Variants in TEX11 observed in about 807,000 individuals in gnomAD.
TEX11 encodes the protein testis-expressed protein 11.
Under a neutral mutation model 84.4 loss-of-function variants are expected in TEX11, and 7 were observed. The observed-to-expected ratio is 0.08, with a 90% CI of 0.05 to 0.16. The LOEUF is 0.16. Among genes scored for constraint, TEX11 ranks in the 10% least tolerant of loss-of-function variants. TEX11 has a pLI of 1.00. For synonymous variants in TEX11, 264 were observed against 222.8 expected, an observed-to-expected ratio of 1.18 and a Z score of -1.64; for missense variants, 551 against 660.5, an observed-to-expected ratio of 0.83 and a Z score of 1.82.
At chrX:70,819,258 A>G (rs1335063199) in intron 8 of TEX11, among the ~76,000 whole-genome samples, 1 of 111,939 alleles carries the variant, frequency 8.9e-6, no homozygotes, top group Non-Finnish European at 1.9e-5. Flanking sequence ...AGTGAGATTT[A>G]TCCCTGGAAT....
intron 13 of TEX11, among the ~76,000 whole-genome samples, chrX:70,708,928 T>TA (rs199631813): frequency 0.056 from 5,233 of 93,511 alleles, 347 homozygotes; most frequent in African/African-American, 0.18. Flanking sequence ...TTGAAATAAT[T>TA]AAAAAAAAAA....
intron 13 of TEX11, among the ~76,000 whole-genome samples, chrX:70,722,304 C>A (rs2090565555): frequency 8.9e-6 from 1 of 112,059 alleles, no homozygotes; most frequent in South Asian, 3.7e-4. Context: ...GAGAGTCCTG[C>A]TCTGTTGCCC....
At chrX:70,875,719 C>T (rs2091652624) in intron 3 of TEX11, among the ~76,000 whole-genome samples, 1 of 110,821 alleles carries the variant, frequency 9.0e-6, no homozygotes, top group Admixed American at 9.6e-5. Flanking sequence ...CACTGCACTC[C>T]AGCCTGGGCG....
At chrX:70,891,894 T>C (rs1263984462) in intron 2 of TEX11, among the ~76,000 whole-genome samples, 4 of 111,179 alleles carry the variant, frequency 3.6e-5, no homozygotes, top group Non-Finnish European at 7.5e-5. Context: ...ACTACTAAGA[T>C]AGTCCTTGAG....
chrX:70,816,993 A>G (rs1201591671), intron 8 of TEX11, among the ~76,000 whole-genome samples: 1 of 110,668 alleles, frequency 9.0e-6, no homozygotes, highest in Admixed American at 9.7e-5. Flanking sequence ...ATTAAGGATA[A>G]TTGAAGCCAA....
the TEX11 span, among the ~76,000 whole-genome samples, chrX:70,521,669 T>G: frequency 8.9e-6 from 1 of 111,861 alleles, no homozygotes. Context: ...TACCGAATTC[T>G]GACCAATTAA....
chrX:70,736,712 T>A (rs1050223976), intron 11 of TEX11, among the ~76,000 whole-genome samples: 3 of 111,680 alleles, frequency 2.7e-5, no homozygotes, highest in African/African-American at 9.7e-5. Context: ...CTCTTTTACA[T>A]CTGGCTGATG....
intron 13 of TEX11, among the ~76,000 whole-genome samples, chrX:70,713,140 C>T (rs753802038): frequency 1.4e-4 from 16 of 111,721 alleles, no homozygotes; most frequent in South Asian, 7.6e-4. Flanking sequence ...AGGGATGAAG[C>T]CCACTTGATC....
chrX:70,652,063 C>T (rs1041547211), intron 16 of TEX11, among the ~76,000 whole-genome samples: 1 of 111,205 alleles, frequency 9.0e-6, no homozygotes, highest in Non-Finnish European at 1.9e-5. Context: ...CCCACTCCTA[C>T]CCACATCCCT....
At chrX:70,874,009 C>T (rs2091642825) in intron 3 of TEX11, among the ~76,000 whole-genome samples, 1 of 111,265 alleles carries the variant, frequency 9.0e-6, no homozygotes, top group Admixed American at 9.6e-5. Flanking sequence ...TTGGTGCTGT[C>T]CTCACAGTAA....
chrX:70,587,592 G>A (rs866532632), intron 25 of TEX11, among the ~76,000 whole-genome samples: 5 of 112,528 alleles, frequency 4.4e-5, no homozygotes, highest in African/African-American at 6.5e-5. Context: ...ATGGGTGTCC[G>A]TGGAGAAGTT....
At chrX:70,750,945 T>A (rs1454821770) in intron 9 of TEX11, among the ~76,000 whole-genome samples, 16 of 65,642 alleles carry the variant, frequency 2.4e-4, no homozygotes, top group African/African-American at 1.1e-3. Context: ...TATATATATA[T>A]ATATATATAT....
intron 18 of TEX11, 72 bp downstream of exon 18, chrX:70,629,539 T>C (rs1480024823): frequency 6.3e-6 from 7 of 1,107,085 alleles, no homozygotes; most frequent in African/African-American, 1.8e-5. Context: ...GTCTAACTGA[T>C]AATGATTCTA....
intron 25 of TEX11, among the ~76,000 whole-genome samples, chrX:70,557,326 C>T (rs1475308684): frequency 8.5e-5 from 9 of 105,976 alleles, no homozygotes; most frequent in African/African-American, 3.1e-4. Context: ...AAAAATTAGC[C>T]GGGTGTGGGG....
chrX:70,630,779 T>C (rs909284995), intron 17 of TEX11, among the ~76,000 whole-genome samples: 1 of 111,616 alleles, frequency 9.0e-6, no homozygotes, highest in Non-Finnish European at 1.9e-5. Context: ...CTACAAGAAA[T>C]ACACTTTAAA....
chrX:70,740,364 T>C (rs2090725277), intron 11 of TEX11, among the ~76,000 whole-genome samples: 1 of 111,059 alleles, frequency 9.0e-6, no homozygotes, highest in Non-Finnish European at 1.9e-5. Context: ...TGTGGACCTC[T>C]TTTATAAGGG....
At chrX:70,784,020 CA>C (rs901953794) in intron 9 of TEX11, among the ~76,000 whole-genome samples, 32 of 108,889 alleles carry the variant, frequency 2.9e-4, no homozygotes, top group African/African-American at 9.7e-4. Flanking sequence ...AGAGACACAA[CA>C]AAAAAAAAGA....
chrX:70,885,797 A>C (rs1024047095), intron 2 of TEX11, among the ~76,000 whole-genome samples: 1 of 107,081 alleles, frequency 9.3e-6, no homozygotes, highest in Non-Finnish European at 1.9e-5. Context: ...AGGCTGAAGC[A>C]GGAGAATTGC....
intron 13 of TEX11, 77 bp from the exon 14 acceptor site, chrX:70,682,902 A>C (rs2090158589): frequency 1.0e-6 from 1 of 989,921 alleles, no homozygotes; most frequent in African/African-American, 1.9e-5. Context: ...AATGTATTTC[A>C]GTGTGAGCAA....
Sources: gnomAD v4.1 joint callset for allele counts (sites outside exome capture counted in the v4.1 genomes callset) on GRCh38, gnomAD v4.1.1 for gene constraint, MANE v1.5 for transcripts, NCBI Gene and HGNC (gene_info 2026-07-23, HGNC 2026-07-21) for gene names.